Variants in CNTRL observed in about 807,000 individuals in gnomAD.
The protein encoded by CNTRL is 110 kDa centrosomal protein.
In CNTRL, 233 loss-of-function variants were observed where a neutral mutation model predicts 303.7. The ratio of observed to expected loss-of-function variants is 0.77; its 90% confidence interval spans 0.69 to 0.86. CNTRL has a LOEUF of 0.86. CNTRL is among the 40% of genes least tolerant of loss of function. The pLI is 0.00. For synonymous variants in CNTRL, 900 were observed against 922.2 expected, an observed-to-expected ratio of 0.98 and a Z score of 0.44; for missense variants, 2,524 against 2,650.6, an observed-to-expected ratio of 0.95 and a Z score of 1.05.
intron 18 of CNTRL, 57 bp downstream of exon 18, chr9:121,141,645 T>C: frequency 2.1e-6 from 3 of 1,448,172 alleles, no homozygotes; most frequent in Non-Finnish European, 2.9e-6. Flanking sequence ...TTAATGTTTT[T>C]CAGCAAATTA....
intron 12 of CNTRL, chr9:121,122,349 TA>T (rs1279145637): frequency 1.9e-5 from 18 of 966,400 alleles, no homozygotes; most frequent in Non-Finnish European, 7.4e-6. Context: ...TTACCAGTAG[TA>T]AATTAAAAAC....
intron 4 of CNTRL, among the ~76,000 whole-genome samples, chr9:121,092,283 T>C (rs2048611815): frequency 6.9e-6 from 1 of 144,120 alleles, no homozygotes; most frequent in Admixed American, 7.2e-5. Flanking sequence ...ATTTTGCCCA[T>C]TGTGTTCACT....
At chr9:121,096,946 A>C (rs1006301948) in intron 6 of CNTRL, among the ~76,000 whole-genome samples, 3 of 151,788 alleles carry the variant, frequency 2.0e-5, no homozygotes, top group African/African-American at 7.3e-5. Flanking sequence ...CAGATCACTG[A>C]ATGCCTAGAA....
chr9:121,155,828 G>C (rs1296050793), intron 27 of CNTRL, among the ~76,000 whole-genome samples: 2 of 152,150 alleles, frequency 1.3e-5, no homozygotes, highest in Admixed American at 6.5e-5. Flanking sequence ...ATAGCCAAGG[G>C]CTCTTTTAGT....
In CNTRL at chr9:121,171,049, C is replaced by T. The variant is rs116755454; in HGVS notation, c.6277-359C>T. ...CCATGTGTGTCTCTCAAAGGGGATA[C>T]GCTGATAACTAGTGATAGGCAGATC... On this transcript the variant is annotated intron_variant, in intron 39 of 43. Coordinates refer to ENST00000373855, the MANE Select transcript of CNTRL (RefSeq NM_007018.6). Among the ~76,000 whole-genome samples the T allele has an allele frequency of 1.5e-3, 231 of 152,136 alleles. 2 individuals carry two copies. Among genetic ancestry groups the T allele is most frequent in the African/African-American group, 4.7e-3 (195 of 41,502 alleles).
chr9:121,151,503 G>T (rs1241867672), intron 25 of CNTRL, among the ~76,000 whole-genome samples: 2 of 143,072 alleles, frequency 1.4e-5, no homozygotes, highest in Non-Finnish European at 3.0e-5. Flanking sequence ...CAATTCTCCT[G>T]CCTCAGCCTC....
At chr9:121,156,141 T>C (rs2052557731) in intron 27 of CNTRL, among the ~76,000 whole-genome samples, 1 of 151,768 alleles carries the variant, frequency 6.6e-6, no homozygotes, top group Non-Finnish European at 1.5e-5. Context: ...TGATAATATA[T>C]CAAAATATCA....
At chr9:121,089,694 A>G (rs1246668172) in intron 3 of CNTRL, among the ~76,000 whole-genome samples, 1 of 152,208 alleles carries the variant, frequency 6.6e-6, no homozygotes, top group Non-Finnish European at 1.5e-5. Flanking sequence ...AAGTATTACC[A>G]GTTTATTTTT....
chr9:121,128,749 T>A (rs1432305463), intron 14 of CNTRL, among the ~76,000 whole-genome samples: 1 of 152,228 alleles, frequency 6.6e-6, no homozygotes, highest in African/African-American at 2.4e-5. Flanking sequence ...TGCCTAGGTT[T>A]TCTTCTAGGA....
At chr9:121,131,622 GC>G (rs1183389656) in intron 14 of CNTRL, among the ~76,000 whole-genome samples, 1 of 152,184 alleles carries the variant, frequency 6.6e-6, no homozygotes, top group East Asian at 1.9e-4. Context: ...GGGGCATTTA[GC>G]CCATTTACAT....
rs2053143674 is a variant in CNTRL at position 121,167,532 on chromosome 9, A to G, written c.5699A>G (p.Glu1900Gly). The G allele has an allele frequency of 6.2e-7, 1 of 1,613,972 alleles. No individual in the cohort carries two copies. Among genetic ancestry groups the G allele is most frequent in the African/African-American group, 1.3e-5 (1 of 74,894 alleles). Reference protein sequence around the residue: ...TTKHQDVLLSEQTRLQKDISE... With the variant: ...TTKHQDVLLSGQTRLQKDISE... The stretch of plus-strand genomic sequence containing the variant: ...AAGCATCAGGATGTGTTGCTCAGTG[A>G]GCAGACCCGACTCCAGAAGGACATC... The change falls in exon 37 of 44, where the codon GAG becomes GGG. Residue 1900 changes from glutamate to glycine, a missense_variant. Transcript: ENST00000373855.
chr9:121,125,876 A>C lies in CNTRL; in HGVS notation c.1965A>C (p.Glu655Asp). ...EKETLLQRLT[E>D]VEQERDQLEI... ...AGACATTGTTGCAGAGATTGACAGA[A>C]GTCGAGCAGGAGAGAGACCAGCTGG... Residue 655 changes from glutamate to aspartate, a missense_variant, in exon 14 of 44, where the codon GAA (glutamate) becomes GAC (aspartate). Physicochemically the swap from Glu to Asp is conservative, Grantham distance 45. Coordinates refer to ENST00000373855, the MANE Select transcript of CNTRL (RefSeq NM_007018.6). 6.2e-7 allele frequency: 1 copy of C among 1,614,228 alleles called. No individual in the cohort carries two copies. Among genetic ancestry groups the C allele is most frequent in the Non-Finnish European group, 8.5e-7 (1 of 1,180,030 alleles).
At chr9:121,141,359 C>T in intron 17 of CNTRL, 22 bp from the exon 18 acceptor site, 1 of 1,567,772 alleles carries the variant, frequency 6.4e-7, no homozygotes, top group South Asian at 1.1e-5. Flanking sequence ...ACATTTATAC[C>T]ATTTTTCCCC....
intron 11 of CNTRL, among the ~76,000 whole-genome samples, chr9:121,118,049 C>T (rs2050062003): frequency 6.6e-6 from 1 of 151,364 alleles, no homozygotes; most frequent in Admixed American, 6.6e-5. Context: ...ATAAAGTTGG[C>T]TATTATTAAT....
In CNTRL at chr9:121,163,451, G is replaced by C. The variant is rs1157624170; in HGVS notation, c.5423+1180G>C. The stretch of plus-strand genomic sequence containing the variant: ...CATAGCAGAAAACTTTTGTGACCTT[G>C]GAGTGGGCAAAAATTCTTGGTATGA... On this transcript the variant is annotated intron_variant, in intron 34 of 43. Transcript: ENST00000373855. Among the ~76,000 whole-genome samples the C allele has an allele frequency of 4.6e-5, 7 of 151,772 alleles. No individual in the cohort carries two copies. In the East Asian group the frequency reaches 1.2e-3, roughly 25 times the overall value.
intron 25 of CNTRL, 167 bp downstream of exon 25, chr9:121,150,650 T>C (rs1588270927): frequency 4.5e-6 from 3 of 667,462 alleles, no homozygotes; most frequent in Admixed American, 2.9e-5. Context: ...AATTCTCTTA[T>C]AAAAGCAGTG....
intron 16 of CNTRL, 146 bp from the exon 17 acceptor site, chr9:121,140,495 T>C: frequency 1.6e-6 from 1 of 616,514 alleles, no homozygotes; most frequent in Non-Finnish European, 2.6e-6. Context: ...AGTAGATTAA[T>C]CATACGGAAA....
chr9:121,124,859 ACCT>A (rs2050421740), intron 13 of CNTRL, among the ~76,000 whole-genome samples: 1 of 150,914 alleles, frequency 6.6e-6, no homozygotes, highest in Admixed American at 6.6e-5. Context: ...GTGGAGGATC[ACCT>A]GAGCTCAGGG....
In CNTRL at chr9:121,168,264, ACT is replaced by A. The variant is rs770193668; in HGVS notation, c.6016_6017del (p.Leu2006AlafsTer8). 4 of 1,614,042 alleles carry A rather than the reference ACT, an allele frequency of 2.5e-6. No homozygotes were observed. Among genetic ancestry groups the A allele is most frequent in the Non-Finnish European group, 2.5e-6 (3 of 1,179,990 alleles). ...GCTGGCAGCTGAAGAGCGTGTTAGG[ACT>A]CTGCAGGAAGAGGAGAGGTGGTGTG... is the stretch of plus-strand genomic sequence containing the variant. Reference protein sequence around the residue: ...KVLAAEERVRTLQEEERWCES... With the variant: ...KVLAAEERVRXLQEEERWCES... On this transcript the variant is annotated frameshift_variant, in exon 38 of 44. Coordinates refer to ENST00000373855, the MANE Select transcript of CNTRL (RefSeq NM_007018.6). LOFTEE classifies it high-confidence loss of function.
Sources: gnomAD v4.1 joint callset for allele counts (sites outside exome capture counted in the v4.1 genomes callset) on GRCh38, gnomAD v4.1.1 for gene constraint, MANE v1.5 for transcripts, NCBI Gene and HGNC (gene_info 2026-07-23, HGNC 2026-07-21) for gene names.